RP1L1: variants seen among roughly 807,000 people sequenced by gnomAD.
The protein encoded by RP1L1 is retinitis pigmentosa 1-like 1 protein.
In RP1L1, 27 loss-of-function variants were observed where a neutral mutation model predicts 15.7. That is an observed-to-expected ratio of 1.72 (90% CI 1.27 to 2.38). The LOEUF (loss-of-function observed/expected upper bound fraction) is 2.38, where lower values mean the gene tolerates loss of function less well. Among genes scored for constraint, RP1L1 ranks in the 30% most tolerant of loss-of-function variants. The probability of loss-of-function intolerance (pLI) is 0.00; values close to 1 mark genes in which losing one functional copy is unlikely to be tolerated. For missense variants in RP1L1, 4,798 were observed against 3,075.9 expected (o/e 1.56, Z -13.24); for synonymous variants, 1,813 against 1,276.7 (o/e 1.42, Z -8.96).
chr8:10,652,476 C>G (rs7010264), intron 1 of RP1L1, among the ~76,000 whole-genome samples: 1 of 152,148 alleles, frequency 6.6e-6, no homozygotes, highest in Non-Finnish European at 1.5e-5. Flanking sequence ...TCATCTAACT[C>G]TAATATTCCT....
At chr8:10,618,079 C>T (rs532608355) in intron 2 of RP1L1, among the ~76,000 whole-genome samples, 2 of 152,332 alleles carry the variant, frequency 1.3e-5, no homozygotes, top group East Asian at 3.9e-4. Context: ...ATCTTTAAAG[C>T]ACAGAGCATG....
At chr8:10,627,934 A>G (rs544411410) in intron 1 of RP1L1, among the ~76,000 whole-genome samples, 1 of 152,216 alleles carries the variant, frequency 6.6e-6, no homozygotes. Context: ...AACGATGACC[A>G]CCTACTGTGT....
At chr8:10,626,286 G>A (rs1476043582) in intron 1 of RP1L1, among the ~76,000 whole-genome samples, 1 of 152,172 alleles carries the variant, frequency 6.6e-6, no homozygotes, top group Non-Finnish European at 1.5e-5. Flanking sequence ...CAAGTGGCAG[G>A]AACCCAAGCT....
In RP1L1 at chr8:10,611,372, C is replaced by G. The variant is rs759860322; in HGVS notation, c.2726G>C (p.Arg909Thr). ...PSPGPNSGAS[R>T]RSSASQGAGS... ...CGCACCCTGGCTGGCACTGCTTCTCCTTGATGCCCCTGAATTGGGGCCTGG... is the reference window on the plus strand; with the variant it reads ...CGCACCCTGGCTGGCACTGCTTCTCGTTGATGCCCCTGAATTGGGGCCTGG... Residue 909 changes from arginine to threonine, a missense_variant, in exon 4 of 4, where the codon AGG becomes ACG. Transcript: ENST00000382483. 1 of 1,609,536 alleles carries G rather than the reference C, an allele frequency of 6.2e-7. No homozygotes were observed. The highest frequency in any genetic ancestry group is 8.5e-7 in the Non-Finnish European group (1 of 1,179,084).
chr8:10,610,902 C>G lies in RP1L1; in HGVS notation c.3196G>C (p.Ala1066Pro). The G allele has an allele frequency of 1.2e-6, 2 of 1,610,930 alleles. No individual in the cohort carries two copies. Among genetic ancestry groups the G allele is most frequent in the Non-Finnish European group, 8.5e-7 (1 of 1,179,112 alleles). The change falls in exon 4 of 4, where the codon GCA (alanine) becomes CCA (proline). Residue 1066 changes from alanine (A) to proline (P), a missense_variant. Coordinates refer to ENST00000382483, the MANE Select transcript of RP1L1 (RefSeq NM_178857.6). ...AEAGADREAP[A>P]GCRVSLRALP... ...GCCCGCAGGCTCACCCTGCAGCCTG[C>G]TGGGGCCTCTCTGTCTGCTCCGGCC... is the stretch of plus-strand genomic sequence containing the variant.
rs1318036737 is a variant in RP1L1, at chr8:10,610,451, G to A, written c.3647C>T (p.Pro1216Leu). The A allele has an allele frequency of 6.2e-6, 10 of 1,613,692 alleles. No homozygotes were observed. Among genetic ancestry groups the A allele is most frequent in the Non-Finnish European group, 7.6e-6 (9 of 1,180,026 alleles). Residue 1216 changes from proline (P) to leucine (L), a missense_variant, in exon 4 of 4, where the codon CCC becomes CTC. Coordinates refer to ENST00000382483, the MANE Select transcript of RP1L1 (RefSeq NM_178857.6). ...GSGGSGESSV[P>L]CAMDGTLVTQ... ...CACCAGGGTGCCGTCCATGGCACAG[G>A]GTACGCTACTCTCCCCTGAGCCTCC...
In RP1L1 at chr8:10,606,706, G is replaced by C. The variant is rs1797707341; in HGVS notation, c.*189C>G. The C allele has an allele frequency of 5.2e-6, 5 of 956,806 alleles. No individual in the cohort carries two copies. Among genetic ancestry groups the C allele is most frequent in the Non-Finnish European group, 7.6e-6 (5 of 660,312 alleles). 59.3% of individuals were successfully genotyped at this position (956,806 alleles called of 1,614,324 possible). The stretch of plus-strand genomic sequence containing the variant: ...CACTGCGTGTGGGACGGGCCGCAGA[G>C]CTCTCTGACACTTCTGGACTTAAGA... On this transcript the variant is annotated 3_prime_UTR_variant, in exon 4 of 4. Coordinates refer to ENST00000382483, the MANE Select transcript of RP1L1 (RefSeq NM_178857.6).
Position 10,611,872 on chromosome 8 carries a change from A to C in RP1L1, c.2226T>G (p.Pro742=), listed in dbSNP as rs1563124622. The C allele has an allele frequency of 6.2e-7, 1 of 1,613,850 alleles. No individual in the cohort carries two copies. Among genetic ancestry groups the C allele is most frequent in the South Asian group, 1.1e-5 (1 of 91,086 alleles). Residue 742 remains proline, a synonymous_variant, in exon 4 of 4, where the codon CCT becomes CCG. Coordinates refer to ENST00000382483, the MANE Select transcript of RP1L1 (RefSeq NM_178857.6). ...LLGTSSATVT[P]AVHSDFVSGV... ...CAGAAACAAAATCCGAGTGGACTGC[A>C]GGGGTGACAGTGGCACTGCTGGTTC...
chr8:10,609,967 A>C lies in RP1L1; in HGVS notation c.4131T>G (p.Val1377=). 1 of 1,613,758 alleles carries C rather than the reference A, an allele frequency of 6.2e-7. No individual in the cohort carries two copies. Among genetic ancestry groups the C allele is most frequent in the Non-Finnish European group, 8.5e-7 (1 of 1,179,942 alleles). ...LQEEGVQLEE[V]KEGPEGGLQG... ...GCAGTCCTCCTTCTGGCCCTTCTTTAACTTCCTCTAACTGCACCCCCTCTT... is the reference window on the plus strand; with the variant it reads ...GCAGTCCTCCTTCTGGCCCTTCTTTCACTTCCTCTAACTGCACCCCCTCTT... Residue 1377 remains valine, a synonymous_variant, in exon 4 of 4, where the codon GTT becomes GTG. Transcript: ENST00000382483.
rs914515828 is a variant in RP1L1, at chr8:10,642,185, T to C, written c.-20+12713A>G. ...CTCAAAATGAAAGGTTTAGTTTTTTTCAAAGAGGTTTTTAAAAAGTCCAAA... is the reference window on the plus strand; with the variant it reads ...CTCAAAATGAAAGGTTTAGTTTTTTCCAAAGAGGTTTTTAAAAAGTCCAAA... On this transcript the variant is annotated intron_variant, in intron 1 of 3. Coordinates refer to ENST00000382483, the MANE Select transcript of RP1L1 (RefSeq NM_178857.6). 2.6e-5 allele frequency among the ~76,000 whole-genome samples: 4 copies of C among 152,354 alleles called. 1 individual carries two copies. The highest frequency in any genetic ancestry group is 2.6e-4 in the Admixed American group (4 of 15,298).
At position 10,611,564 on chromosome 8, in the gene RP1L1, G is replaced by C. The variant is rs1183178254; in HGVS notation, c.2534C>G (p.Ala845Gly). 2 of 1,604,234 alleles carry C rather than the reference G, an allele frequency of 1.2e-6. No homozygotes were observed. The highest frequency in any genetic ancestry group is 1.7e-6 in the Non-Finnish European group (2 of 1,175,620). The change falls in exon 4 of 4, where the codon GCT becomes GGT. Residue 845 changes from alanine (A) to glycine (G), a missense_variant. Coordinates refer to ENST00000382483, the MANE Select transcript of RP1L1 (RefSeq NM_178857.6). ...ACAGTACCTGCCACACAGCCAGCTA[G>C]CCTCAGGGGAGGGTCCCCGCTGGGC... ...QEAQRGPSPE[A>G]SWLCGRYCPT...
intron 1 of RP1L1, among the ~76,000 whole-genome samples, chr8:10,640,604 G>C (rs1798391836): frequency 6.6e-6 from 1 of 151,772 alleles, no homozygotes; most frequent in South Asian, 2.1e-4. Flanking sequence ...TGTGAGCCAA[G>C]ATCACGCCAC....
chr8:10,630,305 G>A (rs1267254647), intron 1 of RP1L1, among the ~76,000 whole-genome samples: 1 of 152,226 alleles, frequency 6.6e-6, no homozygotes, highest in Non-Finnish European at 1.5e-5. Context: ...AGACTGAGTT[G>A]GCCTCATGTG....
chr8:10,630,736 A>C (rs140413104), intron 1 of RP1L1, among the ~76,000 whole-genome samples: 65 of 152,358 alleles, frequency 4.3e-4, no homozygotes, highest in Middle Eastern at 3.4e-3. Flanking sequence ...TGCACAAAGA[A>C]GTGAATTTTT....
intron 1 of RP1L1, among the ~76,000 whole-genome samples, chr8:10,650,830 G>A (rs551764450): frequency 1.3e-5 from 2 of 152,286 alleles, no homozygotes; most frequent in South Asian, 2.1e-4. Flanking sequence ...GCCTCCCAAA[G>A]TGCTGGGATT....
intron 1 of RP1L1, among the ~76,000 whole-genome samples, chr8:10,640,182 C>G (rs530868773): frequency 1.3e-5 from 2 of 152,140 alleles, no homozygotes; most frequent in Non-Finnish European, 2.9e-5. Flanking sequence ...CTGCATGATC[C>G]AAATGGCTTC....
intron 1 of RP1L1, among the ~76,000 whole-genome samples, chr8:10,653,497 C>T (rs1201377349): frequency 6.7e-6 from 1 of 150,178 alleles, no homozygotes; most frequent in African/African-American, 2.5e-5. Flanking sequence ...CACACACGTG[C>T]ACTCGTAAAC....
chr8:10,639,161 A>T (rs1428806805), intron 1 of RP1L1, among the ~76,000 whole-genome samples: 1 of 152,006 alleles, frequency 6.6e-6, no homozygotes, highest in South Asian at 2.1e-4. Context: ...AAAGAAAAGA[A>T]AAGAAAAAAA....
In RP1L1 at chr8:10,607,408, G is replaced by A; in HGVS notation, c.6690C>T (p.Thr2230=). Reference sequence around the variant, plus strand: ...GCTGGGCCTCCCCTTCAGCCTCCGGGGTCTCTACGCCTTCTGGCTCTGGCT... The same window carrying A: ...GCTGGGCCTCCCCTTCAGCCTCCGGAGTCTCTACGCCTTCTGGCTCTGGCT... The part of the protein sequence containing the change: ...EAQPEPEGVE[T]PEAEGEAQPE... Residue 2230 remains threonine, a synonymous_variant, in exon 4 of 4, where the codon ACC becomes ACT. Coordinates refer to ENST00000382483, the MANE Select transcript of RP1L1 (RefSeq NM_178857.6). 6.3e-7 allele frequency: 1 copy of A among 1,593,170 alleles called. No homozygotes were observed. The highest frequency in any genetic ancestry group is 8.6e-7 in the Non-Finnish European group (1 of 1,167,402).
Sources: gnomAD v4.1 joint callset for allele counts (sites outside exome capture counted in the v4.1 genomes callset) on GRCh38, gnomAD v4.1.1 for gene constraint, MANE v1.5 for transcripts, NCBI Gene and HGNC (gene_info 2026-07-23, HGNC 2026-07-21) for gene names.